Variants in ANKS1B observed in about 807,000 individuals in gnomAD.
The protein encoded by ANKS1B is ankyrin repeat and sterile alpha motif domain-containing protein 1B.
A neutral mutation model predicts 148.3 loss-of-function variants in ANKS1B; 36 were observed. That is an observed-to-expected ratio of 0.24 (90% CI 0.19 to 0.32). The LOEUF (loss-of-function observed/expected upper bound fraction) is 0.32. Ranked by LOEUF, ANKS1B falls within the 10% of genes least tolerant of loss-of-function variation. The probability of loss-of-function intolerance (pLI) is 1.00; values close to 1 mark genes in which losing one functional copy is unlikely to be tolerated. For missense variants in ANKS1B, 1,157 were observed against 1,542.6 expected (o/e 0.75, Z 4.19); for synonymous variants, 542 against 560.8 (o/e 0.97, Z 0.47).
At chr12:99,694,721 C>T (rs1249692686) in intron 8 of ANKS1B, among the ~76,000 whole-genome samples, 1 of 152,128 alleles carries the variant, frequency 6.6e-6, no homozygotes, top group Non-Finnish European at 1.5e-5. Context: ...TCAACAAACA[C>T]ATACCAAAAA....
At chr12:99,868,443 A>T (rs1256818323) in intron 1 of ANKS1B, among the ~76,000 whole-genome samples, 1 of 152,186 alleles carries the variant, frequency 6.6e-6, no homozygotes, top group Non-Finnish European at 1.5e-5. Context: ...TGCCACTAAC[A>T]CCATTGTTCT....
In ANKS1B at chr12:98,931,876, G is replaced by C. The variant is rs1012149222; in HGVS notation, c.2779-99740C>G. On this transcript the variant is annotated intron_variant, in intron 17 of 26. Coordinates refer to ENST00000683438, the MANE Select transcript of ANKS1B (RefSeq NM_001352186.2). ...TAAGGAGGCACTTTTTCCTGAAAGAGATTGGTGTCCCTGATTATACTTACT... is the reference window on the plus strand; with the variant it reads ...TAAGGAGGCACTTTTTCCTGAAAGACATTGGTGTCCCTGATTATACTTACT... Among the ~76,000 whole-genome samples, 18 of 152,122 alleles carry C rather than the reference G, an allele frequency of 1.2e-4. 1 individual carries two copies. The highest frequency in any genetic ancestry group is 1.2e-3 in the Admixed American group (18 of 15,250).
intron 9 of ANKS1B, among the ~76,000 whole-genome samples, chr12:99,633,411 G>A (rs1039263047): frequency 6.6e-6 from 1 of 152,114 alleles, no homozygotes; most frequent in African/African-American, 2.4e-5. Context: ...AATAAATGGT[G>A]CTGGGAAAAC....
intron 1 of ANKS1B, among the ~76,000 whole-genome samples, chr12:99,942,355 T>G (rs1298879811): frequency 6.6e-6 from 1 of 152,046 alleles, no homozygotes; most frequent in African/African-American, 2.4e-5. Context: ...AATGTATTAG[T>G]GATATTTGAG....
chr12:98,827,339 G>A (rs190153818), intron 19 of ANKS1B, among the ~76,000 whole-genome samples: 2 of 152,302 alleles, frequency 1.3e-5, no homozygotes, highest in Non-Finnish European at 2.9e-5. Flanking sequence ...GCAGTCACTC[G>A]ATCATCGTTA....
chr12:99,556,335 A>T (rs73379601), intron 9 of ANKS1B, among the ~76,000 whole-genome samples: 1,760 of 151,972 alleles, frequency 0.012, 33 homozygotes, highest in African/African-American at 0.041. Context: ...TTTCTTTAGT[A>T]TTCCGGCTAG....
In ANKS1B at chr12:98,941,585, A is replaced by G. The variant is rs139057260; in HGVS notation, c.2779-109449T>C. Among the ~76,000 whole-genome samples the G allele has an allele frequency of 5.7e-3, 867 of 152,282 alleles. 10 individuals carry two copies. Among genetic ancestry groups the G allele is most frequent in the African/African-American group, 0.02 (828 of 41,544 alleles). The stretch of plus-strand genomic sequence containing the variant: ...TTGCGGTTACAATTCAATTTTAGCA[A>G]GTAGGGGAATTTGCAAATACAAAAT... On this transcript the variant is annotated intron_variant, in intron 17 of 26. Coordinates refer to ENST00000683438, the MANE Select transcript of ANKS1B (RefSeq NM_001352186.2).
chr12:98,903,106 T>C (rs2099774339), intron 17 of ANKS1B, among the ~76,000 whole-genome samples: 1 of 152,144 alleles, frequency 6.6e-6, no homozygotes, highest in South Asian at 2.1e-4. Flanking sequence ...GATTTTGAAA[T>C]ATATTAGAAG....
At chr12:99,419,604 G>GA (rs2095023918) in intron 11 of ANKS1B, among the ~76,000 whole-genome samples, 1 of 152,060 alleles carries the variant, frequency 6.6e-6, no homozygotes. Flanking sequence ...ATACGTGAAA[G>GA]AAAATTTTTA....
intron 17 of ANKS1B, among the ~76,000 whole-genome samples, chr12:98,989,679 C>T (rs940833976): frequency 6.6e-6 from 1 of 152,012 alleles, no homozygotes; most frequent in Admixed American, 6.6e-5. Flanking sequence ...GTGGCTTGCT[C>T]CTGTAGTCCC....
rs1450619903 is a variant in ANKS1B, at chr12:99,782,089, C to G, written c.678G>C (p.Lys226Asn). The G allele has an allele frequency of 5.6e-6, 9 of 1,599,420 alleles. No homozygotes were observed. Among genetic ancestry groups the G allele is most frequent in the Middle Eastern group, 3.3e-4 (2 of 6,050 alleles). The change falls in exon 5 of 27, where the codon AAG becomes AAC. Residue 226 changes from lysine (K) to asparagine (N), a missense_variant. Transcript: ENST00000683438. Reference protein sequence around the residue: ...AGMDVSCQTEKGSALHEAALF... With the variant: ...AGMDVSCQTENGSALHEAALF... ...AAGCTGCTTCATGAAGTGCACTCCC[C>G]TTTTCTGTCTGGAAAAAAAAAAGTA...
At chr12:99,930,510 C>G (rs1315119922) in intron 1 of ANKS1B, among the ~76,000 whole-genome samples, 2 of 152,096 alleles carry the variant, frequency 1.3e-5, no homozygotes, top group African/African-American at 4.8e-5. Context: ...TGCCTGATTG[C>G]CCTGGCCAGA....
chr12:99,211,003 A>T (rs2083275719), intron 14 of ANKS1B, among the ~76,000 whole-genome samples: 1 of 152,230 alleles, frequency 6.6e-6, no homozygotes, highest in African/African-American at 2.4e-5. Context: ...TGCCATTAAA[A>T]GCAATGGCAA....
At chr12:99,861,672 T>C (rs566707423) in intron 1 of ANKS1B, among the ~76,000 whole-genome samples, 2 of 152,314 alleles carry the variant, frequency 1.3e-5, no homozygotes, top group South Asian at 2.1e-4. Context: ...CCCATTGCTG[T>C]TGATAGTGTT....
chr12:99,550,996 G>C (rs1016272985), intron 9 of ANKS1B, among the ~76,000 whole-genome samples: 4 of 152,038 alleles, frequency 2.6e-5, no homozygotes, highest in South Asian at 2.1e-4. Flanking sequence ...CTGTCCTAAG[G>C]ATGTGTTTTG....
At chr12:99,517,130 T>C (rs2096829437) in intron 9 of ANKS1B, among the ~76,000 whole-genome samples, 1 of 152,176 alleles carries the variant, frequency 6.6e-6, no homozygotes, top group Admixed American at 6.5e-5. Context: ...ACAATACTGA[T>C]TTTACCAATC....
At chr12:99,600,197 C>T (rs2097789766) in intron 9 of ANKS1B, among the ~76,000 whole-genome samples, 1 of 151,974 alleles carries the variant, frequency 6.6e-6, no homozygotes, top group Non-Finnish European at 1.5e-5. Context: ...TATACATACT[C>T]AGGGTCCTGG....
At chr12:99,248,480 T>C (rs1566732399) in intron 12 of ANKS1B, among the ~76,000 whole-genome samples, 1 of 152,218 alleles carries the variant, frequency 6.6e-6, no homozygotes, top group South Asian at 2.1e-4. Flanking sequence ...ACTACTATTA[T>C]ACTCACTGTC....
At chr12:99,139,981 T>C (rs1236794597) in intron 15 of ANKS1B, among the ~76,000 whole-genome samples, 3 of 152,208 alleles carry the variant, frequency 2.0e-5, no homozygotes, top group Non-Finnish European at 2.9e-5. Flanking sequence ...TGCTGTGGCA[T>C]ATTTGTTAAT....
Sources: allele counts gnomAD v4.1 joint callset (sites outside exome capture counted in the v4.1 genomes callset), GRCh38; gene constraint gnomAD v4.1.1; transcripts MANE v1.5; gene names NCBI Gene and HGNC (gene_info 2026-07-23, HGNC 2026-07-21).